LRRC8C: variants seen among roughly 807,000 people sequenced by gnomAD.
LRRC8C encodes leucine rich repeat containing 8 VRAC subunit C, also known as volume-regulated anion channel subunit LRRC8C.
A neutral mutation model predicts 55.3 loss-of-function variants in LRRC8C; 20 were observed. The observed-to-expected ratio is 0.36, with a 90% CI of 0.25 to 0.53. LRRC8C has a LOEUF of 0.53. LRRC8C is among the 20% of genes least tolerant of loss of function. LRRC8C has a pLI of 0.92. For missense variants in LRRC8C, 659 were observed against 951.4 expected, an observed-to-expected ratio of 0.69 and a Z score of 4.04; for synonymous variants, 376 against 360.7, an observed-to-expected ratio of 1.04 and a Z score of -0.48.
intron 1 of LRRC8C, among the ~76,000 whole-genome samples, chr1:89,649,257 T>G (rs1656695391): frequency 6.6e-6 from 1 of 152,204 alleles, no homozygotes; most frequent in Non-Finnish European, 1.5e-5. Flanking sequence ...CATTAATCAT[T>G]ACTGGAATAT....
chr1:89,674,518 A>G (rs1002301353), intron 1 of LRRC8C, among the ~76,000 whole-genome samples: 1 of 152,234 alleles, frequency 6.6e-6, no homozygotes, highest in African/African-American at 2.4e-5. Context: ...GCCTTGCATT[A>G]AATATTCATT....
Position 89,714,670 on chromosome 1 carries a change from T to A in LRRC8C, c.2100T>A (p.Pro700=), listed in dbSNP as rs762187478. The change falls in exon 3 of 3, where the codon CCT becomes CCA. Residue 700 remains proline (P), a synonymous_variant. Transcript: ENST00000370454. The surrounding 1 kb of genome is among the most constrained non-coding windows in gnomAD (Gnocchi z 4.6). ...ACAATGACATTCGATTTATCCCCCC[T>A]GAAATTGGAGTTCTACAAAGTTTAC... ...LSYNDIRFIP[P]EIGVLQSLQY... 8.7e-6 allele frequency: 14 copies of A among 1,614,014 alleles called. No homozygotes were observed. The African/African-American group carries it at 1.5e-4, about 17-fold the overall frequency.
rs12087296 is a variant in LRRC8C at position 89,708,098 on chromosome 1, C to A, written c.139-4611C>A. Among the ~76,000 whole-genome samples, 852 of 151,718 alleles carry A rather than the reference C, an allele frequency of 5.6e-3. 14 individuals are homozygous for A. Among genetic ancestry groups the A allele is most frequent in the African/African-American group, 0.02 (809 of 41,304 alleles). ...TGATTTTTTTCTTCACTTCTCCCCC[C>A]AGTTTCTTCCCCCTTTTTCTCTCCC... On this transcript the variant is annotated intron_variant, in intron 2 of 2. Transcript: ENST00000370454.
At chr1:89,701,212 C>T (rs1176203699) in intron 2 of LRRC8C, among the ~76,000 whole-genome samples, 1 of 152,150 alleles carries the variant, frequency 6.6e-6, no homozygotes, top group Non-Finnish European at 1.5e-5. Context: ...CGCGGTGGCT[C>T]ATGCCTGTAA....
chr1:89,673,585 A>T (rs1657478154), intron 1 of LRRC8C, among the ~76,000 whole-genome samples: 1 of 152,156 alleles, frequency 6.6e-6, no homozygotes, highest in Admixed American at 6.5e-5. Context: ...TTTTTCTGAC[A>T]TAGGATGCAA....
chr1:89,621,344 CT>C, the LRRC8C span, among the ~76,000 whole-genome samples: 1 of 151,582 alleles, frequency 6.6e-6, no homozygotes, highest in East Asian at 1.9e-4. Flanking sequence ...TGGCAGGCGC[CT>C]GTAGTCCCAG....
At chr1:89,656,166 A>G (rs940003187) in intron 1 of LRRC8C, among the ~76,000 whole-genome samples, 1 of 152,226 alleles carries the variant, frequency 6.6e-6, no homozygotes, top group African/African-American at 2.4e-5. Context: ...TCACCTTCCA[A>G]GAACTCTCCC....
At position 89,686,360 on chromosome 1, in the gene LRRC8C, C is replaced by T. The variant is rs1422165196; in HGVS notation, c.-4-110C>T. The T allele has an allele frequency of 9.8e-6, 11 of 1,124,634 alleles. No homozygotes were observed. The South Asian group carries it at 1.6e-4, about 16-fold the overall frequency. The allele number at this position is 1,124,634 out of a possible 1,614,324, so 69.7% of individuals were successfully genotyped here. ...AAAACATTGATGTGTCTTGACAGCT[C>T]TTGAACTAATTCAGACCTCTGCTGT... On this transcript the variant is annotated intron_variant, in intron 1 of 2. Coordinates refer to ENST00000370454, the MANE Select transcript of LRRC8C (RefSeq NM_032270.5).
At chr1:89,637,454 A>G (rs1187982043) in intron 1 of LRRC8C, among the ~76,000 whole-genome samples, 1 of 151,246 alleles carries the variant, frequency 6.6e-6, no homozygotes, top group Non-Finnish European at 1.5e-5. Flanking sequence ...CAGAAGACCC[A>G]CTATAAATAT....
intron 1 of LRRC8C, among the ~76,000 whole-genome samples, chr1:89,680,566 T>C (rs1274760130): frequency 6.9e-6 from 1 of 145,190 alleles, no homozygotes; most frequent in Non-Finnish European, 1.5e-5. Context: ...TTTTTTTTTT[T>C]TTTTTCTGTT....
intron 1 of LRRC8C, among the ~76,000 whole-genome samples, chr1:89,644,988 C>T (rs190360588): frequency 3.6e-4 from 55 of 152,182 alleles, no homozygotes; most frequent in South Asian, 2.1e-3. Context: ...CCAGAATATC[C>T]AGGATAAAAT....
chr1:89,704,636 T>C (rs556227105), intron 2 of LRRC8C, among the ~76,000 whole-genome samples: 1 of 152,252 alleles, frequency 6.6e-6, no homozygotes, highest in African/African-American at 2.4e-5. Context: ...GGACTCTACC[T>C]TCTGTGTTAA....
chr1:89,669,021 C>A (rs1195970244), intron 1 of LRRC8C, among the ~76,000 whole-genome samples: 1 of 151,886 alleles, frequency 6.6e-6, no homozygotes, highest in Non-Finnish European at 1.5e-5. Flanking sequence ...TTCACAATAA[C>A]CAAGATGTAA....
upstream of LRRC8C, among the ~76,000 whole-genome samples, chr1:89,630,931 A>T (rs962015757): frequency 1.3e-5 from 2 of 152,228 alleles, no homozygotes; most frequent in Non-Finnish European, 2.9e-5. Context: ...ATTAATGTGC[A>T]TGTGAATCAC....
At chr1:89,677,063 C>T (rs148774165) in intron 1 of LRRC8C, among the ~76,000 whole-genome samples, 3 of 152,276 alleles carry the variant, frequency 2.0e-5, no homozygotes, top group Non-Finnish European at 4.4e-5. Context: ...TTGAAATGTA[C>T]AGCCTGAAGC....
At chr1:89,649,690 C>T (rs912835222) in intron 1 of LRRC8C, among the ~76,000 whole-genome samples, 10 of 152,108 alleles carry the variant, frequency 6.6e-5, no homozygotes, top group African/African-American at 2.4e-4. Flanking sequence ...TTCCTTGAAA[C>T]ATTCTTTCAG....
chr1:89,659,058 TTTTTGTGTGTGTGTG>T lies in LRRC8C; in HGVS notation c.-5+25738_-5+25752del, dbSNP rs1410219350. On this transcript the variant is annotated intron_variant, in intron 1 of 2. Coordinates refer to ENST00000370454, the MANE Select transcript of LRRC8C (RefSeq NM_032270.5). ...TTGTGTCTTCTCCAGGTTTTTTTTT[TTTTTGTGTGTGTGTG>T]TGTGTGTGTGTGTGTGTGTGTGTGT... is the stretch of plus-strand genomic sequence containing the variant. Among the ~76,000 whole-genome samples the T allele has an allele frequency of 2.8e-3, 166 of 58,980 alleles. 4 individuals are homozygous for T. The highest frequency in any genetic ancestry group is 4.7e-3 in the Non-Finnish European group (126 of 26,584). 38.7% of individuals were successfully genotyped at this position (58,980 alleles called of 152,430 possible). A position where few individuals can be genotyped will look rare whatever the true frequency, so the allele number is the denominator to read the frequency against.
intron 1 of LRRC8C, among the ~76,000 whole-genome samples, chr1:89,666,959 A>G (rs541814596): frequency 6.6e-6 from 1 of 152,274 alleles, no homozygotes; most frequent in South Asian, 2.1e-4. Flanking sequence ...TATTGAGGAA[A>G]GCAACTTAGG....
chr1:89,624,326 C>T, the LRRC8C span, among the ~76,000 whole-genome samples: 6 of 152,288 alleles, frequency 3.9e-5, no homozygotes, highest in Non-Finnish European at 8.8e-5. Flanking sequence ...AGAAAGAGTA[C>T]AAAAACACTA....
Sources: gnomAD v4.1 joint callset for allele counts (sites outside exome capture counted in the v4.1 genomes callset) on GRCh38, gnomAD v4.1.1 for gene constraint, Gnocchi (gnomAD v3.1) non-coding constraint, MANE v1.5 for transcripts, NCBI Gene and HGNC (gene_info 2026-07-23, HGNC 2026-07-21) for gene names.